Variants in SKA2 observed in about 807,000 individuals in gnomAD.
SKA2 encodes spindle and kinetochore associated complex subunit 2, also known as spindle and kinetochore-associated protein 2.
Under a neutral mutation model 16.9 loss-of-function variants are expected in SKA2, and 13 were observed. The ratio of observed to expected loss-of-function variants is 0.77; its 90% CI spans 0.50 to 1.22. The LOEUF is 1.22. Ranked by LOEUF, SKA2 falls within the 50% of genes most tolerant of loss-of-function variation. The pLI is 0.00. For synonymous variants in SKA2, 47 were observed against 48.5 expected (o/e 0.97, Z 0.13); for missense variants, 107 against 139.7 (o/e 0.77, Z 1.18).
intron 1 of SKA2, among the ~76,000 whole-genome samples, chr17:59,148,460 T>C (rs906473251): frequency 6.6e-6 from 1 of 151,944 alleles, no homozygotes; most frequent in Non-Finnish European, 1.5e-5. Context: ...TCACTGTCAA[T>C]AGGCCGGAGT....
At chr17:59,118,468 C>A (rs887779457) in intron 3 of SKA2, among the ~76,000 whole-genome samples, 6 of 152,140 alleles carry the variant, frequency 3.9e-5, no homozygotes, top group African/African-American at 7.2e-5. Flanking sequence ...TTGTCATGTA[C>A]ATCTGGAACT....
chr17:59,128,982 C>A (rs1028674078), intron 2 of SKA2, among the ~76,000 whole-genome samples: 2 of 152,014 alleles, frequency 1.3e-5, no homozygotes, highest in African/African-American at 2.4e-5. Flanking sequence ...ACAGGTGGAA[C>A]AAAGATGAGA....
At chr17:59,153,840 C>T (rs924077344) in intron 1 of SKA2, among the ~76,000 whole-genome samples, 19 of 151,730 alleles carry the variant, frequency 1.3e-4, no homozygotes, top group African/African-American at 4.6e-4. Context: ...GACGCGATCT[C>T]GGCTCACTGC....
chr17:59,132,172 A>G (rs773841655), intron 1 of SKA2, among the ~76,000 whole-genome samples: 6 of 152,000 alleles, frequency 3.9e-5, no homozygotes, highest in East Asian at 1.9e-4. Context: ...CCTGGCTAAC[A>G]TGGTGAAACC....
At chr17:59,117,771 A>G (rs2046306797) in intron 3 of SKA2, among the ~76,000 whole-genome samples, 2 of 152,076 alleles carry the variant, frequency 1.3e-5, no homozygotes, top group African/African-American at 4.8e-5. Flanking sequence ...ACTATATCCA[A>G]CATTTCCCAA....
chr17:59,123,137 A>G (rs547974910), intron 2 of SKA2, among the ~76,000 whole-genome samples: 1 of 151,926 alleles, frequency 6.6e-6, no homozygotes, highest in Admixed American at 6.6e-5. Flanking sequence ...GAAAGCAGAC[A>G]CAGTATTCAA....
Position 59,112,267 on chromosome 17 carries a change from G to C in SKA2, c.*10C>G. 1 of 1,604,346 alleles carries C rather than the reference G, an allele frequency of 6.2e-7. No homozygotes were observed. The highest frequency in any genetic ancestry group is 8.5e-7 in the Non-Finnish European group (1 of 1,175,686). On this transcript the variant is annotated 3_prime_UTR_variant, in exon 4 of 4. Transcript: ENST00000330137. ...TTCTCTGTTAGAATTTCCTTTCCAA[G>C]TCCATTTCTTCATAAATCTGGCATG...
At chr17:59,155,083 TGG>T (rs2046613408) in intron 1 of SKA2, 46 bp downstream of exon 1, 1 of 1,613,910 alleles carries the variant, frequency 6.2e-7, no homozygotes, top group African/African-American at 1.3e-5. Flanking sequence ...TCCGAGGCCA[TGG>T]GGGAAAAATA....
At chr17:59,147,993 C>T (rs1481094819) in intron 1 of SKA2, among the ~76,000 whole-genome samples, 1 of 151,926 alleles carries the variant, frequency 6.6e-6, no homozygotes, top group African/African-American at 2.4e-5. Context: ...CAGGGGCACA[C>T]CACTGCACTA....
chr17:59,131,973 C>T (rs539609565), intron 1 of SKA2, among the ~76,000 whole-genome samples: 8 of 152,072 alleles, frequency 5.3e-5, no homozygotes, highest in Non-Finnish European at 1.0e-4. Context: ...CTGTAGTAAA[C>T]CTCAAAGGAA....
At chr17:59,116,489 T>G (rs997301407) in intron 3 of SKA2, among the ~76,000 whole-genome samples, 1 of 152,202 alleles carries the variant, frequency 6.6e-6, no homozygotes, top group African/African-American at 2.4e-5. Flanking sequence ...GAAATTAGTA[T>G]GTATTCCCTT....
rs1385432678 is a variant in SKA2, at chr17:59,140,469, TC to T, written c.34-9103del. 2.6e-5 allele frequency among the ~76,000 whole-genome samples: 4 copies of T among 152,220 alleles called. No individual in the cohort carries two copies. The East Asian group carries it at 5.8e-4, about 22-fold the overall frequency. On this transcript the variant is annotated intron_variant, in intron 1 of 3. Coordinates refer to ENST00000330137, the MANE Select transcript of SKA2 (RefSeq NM_182620.4). ...GTCTCGAACTCCTGACCTCAGGTGA[TC>T]CGCCTGCCTCAGCCTCCCAAAGTGC... is the stretch of plus-strand genomic sequence containing the variant.
At chr17:59,127,174 A>G (rs1432588923) in intron 2 of SKA2, among the ~76,000 whole-genome samples, 1 of 152,060 alleles carries the variant, frequency 6.6e-6, no homozygotes, top group African/African-American at 2.4e-5. Context: ...CCTTCTGGAG[A>G]TTGATGATGG....
intron 1 of SKA2, among the ~76,000 whole-genome samples, chr17:59,136,041 A>G (rs2046442244): frequency 6.6e-6 from 1 of 151,560 alleles, no homozygotes; most frequent in African/African-American, 2.4e-5. Context: ...TGGGCAATAT[A>G]GTGAGACCCC....
intron 2 of SKA2, among the ~76,000 whole-genome samples, chr17:59,120,783 A>C (rs1203254851): frequency 1.3e-5 from 2 of 152,184 alleles, no homozygotes; most frequent in Non-Finnish European, 2.9e-5. Context: ...GAAGCTAGAA[A>C]ACCACGAAGT....
intron 2 of SKA2, among the ~76,000 whole-genome samples, chr17:59,127,478 TC>T (rs1463472627): frequency 5.3e-5 from 8 of 152,170 alleles, no homozygotes; most frequent in Non-Finnish European, 8.8e-5. Flanking sequence ...AACCTTCACC[TC>T]CTGGGTTCAA....
chr17:59,143,836 C>T (rs1450162924), intron 1 of SKA2, among the ~76,000 whole-genome samples: 2 of 152,050 alleles, frequency 1.3e-5, no homozygotes, highest in African/African-American at 2.4e-5. Flanking sequence ...TTCATGATTA[C>T]TATAGAATAT....
Position 59,153,882 on chromosome 17 carries a change from C to CT in SKA2, c.33+1248dup, listed in dbSNP as rs1330029655. Among the ~76,000 whole-genome samples, 23 of 152,116 alleles carry CT rather than the reference C, an allele frequency of 1.5e-4. No individual in the cohort carries two copies. The East Asian group carries it at 4.4e-3, about 29-fold the overall frequency. On this transcript the variant is annotated intron_variant, in intron 1 of 3. Transcript: ENST00000330137. ...CGTCTCCCAGGTTGAAGCGATCCTC[C>CT]TGCCTCAGCCTCCCGAGTAGCTGGG...
chr17:59,112,372 T>C (rs1568298917), intron 3 of SKA2, 27 bp from the exon 4 acceptor site: 1 of 1,539,184 alleles, frequency 6.5e-7, no homozygotes, highest in East Asian at 2.2e-5. Flanking sequence ...AAAATCTTTA[T>C]TTCAAAAACT....
Sources: gnomAD v4.1 joint callset for allele counts (sites outside exome capture counted in the v4.1 genomes callset) on GRCh38, gnomAD v4.1.1 for gene constraint, MANE v1.5 for transcripts, NCBI Gene and HGNC (gene_info 2026-07-23, HGNC 2026-07-21) for gene names.